CNTN5: variants seen among roughly 807,000 people sequenced by gnomAD.
CNTN5 encodes the protein contactin-5.
In CNTN5, 77 loss-of-function variants were observed where a neutral mutation model predicts 129.1. The observed-to-expected ratio is 0.60, with a 90% confidence interval of 0.50 to 0.72. CNTN5 has a LOEUF of 0.72. CNTN5 is among the 30% of genes least tolerant of loss of function. The pLI is 0.00. For synonymous variants in CNTN5, 509 were observed against 465.6 expected, an observed-to-expected ratio of 1.09 and a Z score of -1.20; for missense variants, 1,478 against 1,328.8, an observed-to-expected ratio of 1.11 and a Z score of -1.75.
chr11:99,965,581 T>A (rs755276049), intron 8 of CNTN5, among the ~76,000 whole-genome samples: 156 of 152,308 alleles, frequency 1.0e-3, no homozygotes, highest in Middle Eastern at 3.4e-3. Context: ...TACTTCCAAC[T>A]ATGTGGTCAG....
chr11:99,032,384 C>T (rs1303816462), intron 1 of CNTN5, among the ~76,000 whole-genome samples: 1 of 149,706 alleles, frequency 6.7e-6, no homozygotes, highest in Non-Finnish European at 1.5e-5. Context: ...GTCCCACCAA[C>T]AGTGTAAAAG....
chr11:99,460,208 A>C (rs973501014), intron 2 of CNTN5, among the ~76,000 whole-genome samples: 1 of 151,766 alleles, frequency 6.6e-6, no homozygotes, highest in African/African-American at 2.4e-5. Context: ...ATTATTTAAA[A>C]ATTATTTCTT....
intron 1 of CNTN5, among the ~76,000 whole-genome samples, chr11:99,167,237 G>A (rs1467672827): frequency 6.6e-6 from 1 of 151,872 alleles, no homozygotes; most frequent in Admixed American, 6.6e-5. Context: ...AAAATATTTT[G>A]TTAGACTTGA....
intron 8 of CNTN5, among the ~76,000 whole-genome samples, chr11:99,998,936 G>A (rs200728635): frequency 0.069 from 10,386 of 150,382 alleles, 704 homozygotes; most frequent in East Asian, 0.3. Flanking sequence ...ATGGTGCTGG[G>A]AAAACTGGCT....
In CNTN5 at chr11:99,533,295, G is replaced by A. The variant is rs113778201; in HGVS notation, c.-70-22850G>A. Among the ~76,000 whole-genome samples, 899 of 152,304 alleles carry A rather than the reference G, an allele frequency of 5.9e-3. 8 individuals are homozygous for A. The highest frequency in any genetic ancestry group is 9.5e-3 in the Non-Finnish European group (645 of 68,022). ...CAGTTGGTAAAGTGGATAAATGGCT[G>A]CCATCCTCAAGAGTGCAATCTTCCC... On this transcript the variant is annotated intron_variant, in intron 2 of 24. Coordinates refer to ENST00000524871, the MANE Select transcript of CNTN5 (RefSeq NM_014361.4).
chr11:99,764,080 A>G (rs908584585), intron 3 of CNTN5, among the ~76,000 whole-genome samples: 24 of 152,140 alleles, frequency 1.6e-4, no homozygotes, highest in African/African-American at 5.5e-4. Flanking sequence ...TTCTGTTGTA[A>G]AAATTTAGAT....
At chr11:100,212,955 C>T (rs1949062916) in intron 15 of CNTN5, among the ~76,000 whole-genome samples, 1 of 152,012 alleles carries the variant, frequency 6.6e-6, no homozygotes, top group Non-Finnish European at 1.5e-5. Flanking sequence ...GGGAATTTCT[C>T]AATGCAGGAG....
chr11:100,204,694 C>T (rs1948878940), intron 15 of CNTN5, among the ~76,000 whole-genome samples: 1 of 146,176 alleles, frequency 6.8e-6, no homozygotes, highest in Non-Finnish European at 1.6e-5. Flanking sequence ...TTTTACTTCA[C>T]ATAAAAATTT....
At chr11:99,878,658 C>G (rs922221960) in intron 6 of CNTN5, among the ~76,000 whole-genome samples, 31 of 152,200 alleles carry the variant, frequency 2.0e-4, no homozygotes, top group South Asian at 4.1e-4. Flanking sequence ...GAGATTGAGA[C>G]CACCCTGGCC....
chr11:99,660,694 G>C (rs1351932061), intron 3 of CNTN5, among the ~76,000 whole-genome samples: 1 of 152,008 alleles, frequency 6.6e-6, no homozygotes, highest in African/African-American at 2.4e-5. Flanking sequence ...TACGCTAGAG[G>C]AGCTGTGTAA....
intron 1 of CNTN5, among the ~76,000 whole-genome samples, chr11:99,112,709 G>A (rs1194648149): frequency 1.3e-5 from 2 of 151,868 alleles, no homozygotes; most frequent in Admixed American, 1.3e-4. Flanking sequence ...TATTGTAAAA[G>A]CAATATTGAA....
chr11:99,644,776 A>G (rs2135855693), intron 3 of CNTN5, among the ~76,000 whole-genome samples: 6 of 152,312 alleles, frequency 3.9e-5, no homozygotes, highest in South Asian at 2.1e-4. Flanking sequence ...TTGTTCTAAT[A>G]TGTTGTTTTT....
At chr11:99,212,177 C>T (rs192091911) in intron 1 of CNTN5, among the ~76,000 whole-genome samples, 246 of 152,218 alleles carry the variant, frequency 1.6e-3, no homozygotes, top group Admixed American at 3.1e-3. Context: ...TTGGGTTGCA[C>T]GTGTTCTGGG....
intron 1 of CNTN5, among the ~76,000 whole-genome samples, chr11:99,190,945 C>A (rs1230075546): frequency 1.3e-5 from 2 of 151,520 alleles, no homozygotes; most frequent in Admixed American, 6.6e-5. Context: ...TAGCTTTCAC[C>A]TTTTCACTGT....
chr11:99,657,051 G>A (rs1412060788), intron 3 of CNTN5, among the ~76,000 whole-genome samples: 1 of 136,934 alleles, frequency 7.3e-6, no homozygotes, highest in Non-Finnish European at 1.6e-5. Context: ...CTGTCCCAGT[G>A]CCCAACAAAA....
At chr11:99,967,173 G>C (rs1951117011) in intron 8 of CNTN5, among the ~76,000 whole-genome samples, 1 of 152,144 alleles carries the variant, frequency 6.6e-6, no homozygotes. Context: ...CTTCAGTCCA[G>C]ATTAACTAAA....
chr11:100,138,001 G>T (rs1248627503), intron 13 of CNTN5, among the ~76,000 whole-genome samples: 1 of 151,998 alleles, frequency 6.6e-6, no homozygotes, highest in Non-Finnish European at 1.5e-5. Flanking sequence ...TGACTTGAGA[G>T]ATATTGGAAA....
intron 4 of CNTN5, among the ~76,000 whole-genome samples, chr11:99,837,056 C>T (rs1199100646): frequency 6.6e-6 from 1 of 152,030 alleles, no homozygotes; most frequent in Non-Finnish European, 1.5e-5. Flanking sequence ...GTCTTTATGA[C>T]TTGTATCTTG....
At chr11:99,095,598 A>G (rs183034701) in intron 1 of CNTN5, among the ~76,000 whole-genome samples, 62 of 152,082 alleles carry the variant, frequency 4.1e-4, no homozygotes, top group African/African-American at 1.4e-3. Flanking sequence ...GAGACATAAA[A>G]GTACATTAAT....
Sources: allele counts gnomAD v4.1 joint callset (sites outside exome capture counted in the v4.1 genomes callset), GRCh38; gene constraint gnomAD v4.1.1; transcripts MANE v1.5; gene names NCBI Gene and HGNC (gene_info 2026-07-23, HGNC 2026-07-21).